ALDH1A2: variants seen among roughly 807,000 people sequenced by gnomAD.
ALDH1A2 encodes the protein aldehyde dehydrogenase 1 family member A2, also known as retinal dehydrogenase 2.
In ALDH1A2, 27 loss-of-function variants were observed where a neutral mutation model predicts 60.3. The ratio of observed to expected loss-of-function variants is 0.45; its 90% CI spans 0.33 to 0.62. ALDH1A2 has a LOEUF of 0.62. Ranked by LOEUF, ALDH1A2 falls within the 20% of genes least tolerant of loss-of-function variation. The pLI, the probability that ALDH1A2 is intolerant of heterozygous loss-of-function variation, is 0.02. For synonymous variants in ALDH1A2, 289 were observed against 232.4 expected, an observed-to-expected ratio of 1.24 and a Z score of -2.21; for missense variants, 581 against 643.8, an observed-to-expected ratio of 0.90 and a Z score of 1.06.
At chr15:57,980,287 C>G (rs1419959101) in intron 7 of ALDH1A2, 27 of 400,392 alleles carry the variant, frequency 6.7e-5, no homozygotes, top group African/African-American at 4.3e-4. Context: ...GAGACACCTG[C>G]ATGTGCCTCA....
At chr15:57,987,889 A>G (rs931696573) in intron 7 of ALDH1A2, among the ~76,000 whole-genome samples, 3 of 151,984 alleles carry the variant, frequency 2.0e-5, no homozygotes, top group Non-Finnish European at 4.4e-5. Context: ...CTCAAAAAAA[A>G]AAAAAAAAAA....
At chr15:57,982,120 T>G (rs1377932372) in intron 7 of ALDH1A2, among the ~76,000 whole-genome samples, 1 of 152,092 alleles carries the variant, frequency 6.6e-6, no homozygotes, top group Non-Finnish European at 1.5e-5. Context: ...AGTGCCCATC[T>G]CTCAACACTA....
intron 11 of ALDH1A2, 79 bp from the exon 12 acceptor site, chr15:57,960,923 A>G: frequency 6.9e-7 from 1 of 1,441,336 alleles, no homozygotes; most frequent in Admixed American, 1.9e-5. Flanking sequence ...TTTCTTTTAG[A>G]AGTTTTATTT....
chr15:57,970,658 C>G (rs560016931), intron 7 of ALDH1A2, among the ~76,000 whole-genome samples: 3 of 152,060 alleles, frequency 2.0e-5, no homozygotes, highest in Non-Finnish European at 4.4e-5. Context: ...TTATTAATTA[C>G]TCAGGTGAGT....
At chr15:58,013,361 A>G (rs1595666825) in intron 3 of ALDH1A2, among the ~76,000 whole-genome samples, 1 of 152,196 alleles carries the variant, frequency 6.6e-6, no homozygotes, top group African/African-American at 2.4e-5. Flanking sequence ...TTTAGAAAAG[A>G]AGGTACTTAC....
At chr15:58,046,825 T>A (rs1439633462) in intron 1 of ALDH1A2, among the ~76,000 whole-genome samples, 3 of 152,060 alleles carry the variant, frequency 2.0e-5, no homozygotes, top group Admixed American at 6.6e-5. Flanking sequence ...TCAAAGGATA[T>A]AGTAAATCAT....
chr15:57,957,265 C>G (rs1355431102), intron 12 of ALDH1A2, among the ~76,000 whole-genome samples: 1 of 152,094 alleles, frequency 6.6e-6, no homozygotes, highest in African/African-American at 2.4e-5. Context: ...TCCAGCAGTT[C>G]CTGAACCTCA....
chr15:57,977,771 C>T (rs944358111), intron 7 of ALDH1A2, among the ~76,000 whole-genome samples: 2 of 151,602 alleles, frequency 1.3e-5, no homozygotes, highest in African/African-American at 4.8e-5. Flanking sequence ...GTAGCTTGAT[C>T]GGGATAGCAT....
chr15:58,016,137 A>ATTTT lies in ALDH1A2; in HGVS notation c.118-1860_118-1857dup, dbSNP rs532101226. Reference sequence around the variant, plus strand: ...GTATCACCAAGGCCCACTGATCCTAATTTTTTTTTTTTTTTTTTTTTAAGA... The same window carrying ATTTT: ...GTATCACCAAGGCCCACTGATCCTAATTTTTTTTTTTTTTTTTTTTTTTTTAAGA... On this transcript the variant is annotated intron_variant, in intron 1 of 12. Transcript: ENST00000249750. Among the ~76,000 whole-genome samples, 7 of 134,406 alleles carry ATTTT rather than the reference A, an allele frequency of 5.2e-5. No homozygotes were observed. In the East Asian group the frequency reaches 8.5e-4, roughly 16 times the overall value. The allele number at this position is 134,406 out of a possible 152,430, so 88.2% of individuals were successfully genotyped here.
intron 1 of ALDH1A2, 91 bp from the exon 2 acceptor site, chr15:58,014,372 C>T: frequency 1.0e-6 from 1 of 953,876 alleles, no homozygotes; most frequent in Non-Finnish European, 1.7e-6. Flanking sequence ...ATGGTAATAA[C>T]ACTTGTTGTA....
intron 7 of ALDH1A2, among the ~76,000 whole-genome samples, chr15:57,988,582 G>T (rs1894790541): frequency 6.6e-6 from 1 of 152,156 alleles, no homozygotes; most frequent in African/African-American, 2.4e-5. Context: ...GAAGCCAAGG[G>T]TGTTACCTGC....
chr15:58,060,461 ATC>A lies in ALDH1A2; in HGVS notation c.117+5071_117+5072del, dbSNP rs1337210424. 1.8e-3 allele frequency among the ~76,000 whole-genome samples: 202 copies of A among 111,796 alleles called. 3 individuals carry two copies. Among genetic ancestry groups the A allele is most frequent in the Middle Eastern group, 0.01 (2 of 194 alleles). The allele number at this position is 111,796 out of a possible 152,430, so 73.3% of individuals were successfully genotyped here. On this transcript the variant is annotated intron_variant, in intron 1 of 12. Coordinates refer to ENST00000249750, the MANE Select transcript of ALDH1A2 (RefSeq NM_003888.4). ...AGAAACTCTTTAAGATGCCACACAT[ATC>A]TTTTTTTTTTTTTTTTTTTTTTTGT... is the stretch of plus-strand genomic sequence containing the variant.
intron 7 of ALDH1A2, among the ~76,000 whole-genome samples, chr15:57,988,449 G>A (rs1046234832): frequency 2.0e-5 from 3 of 152,270 alleles, no homozygotes; most frequent in East Asian, 1.9e-4. Context: ...TTTTAGACCC[G>A]ACCATATCAT....
At chr15:58,036,154 A>G (rs1896372173) in intron 1 of ALDH1A2, among the ~76,000 whole-genome samples, 1 of 151,742 alleles carries the variant, frequency 6.6e-6, no homozygotes, top group South Asian at 2.1e-4. Flanking sequence ...AGATGACATT[A>G]TTGTCTATGT....
intron 1 of ALDH1A2, among the ~76,000 whole-genome samples, chr15:58,054,496 T>C (rs1896848573): frequency 6.6e-6 from 1 of 152,070 alleles, no homozygotes; most frequent in Non-Finnish European, 1.5e-5. Flanking sequence ...CCACTGAGAT[T>C]ACAGGTAACA....
intron 1 of ALDH1A2, among the ~76,000 whole-genome samples, chr15:58,061,150 T>G (rs779041825): frequency 3.9e-5 from 6 of 152,066 alleles, no homozygotes; most frequent in Admixed American, 3.9e-4. Context: ...GCCCATGTAG[T>G]GGAAGGGATC....
chr15:57,960,179 A>T (rs1468489277), intron 12 of ALDH1A2, among the ~76,000 whole-genome samples: 3 of 152,090 alleles, frequency 2.0e-5, no homozygotes, highest in African/African-American at 7.2e-5. Context: ...TTTACCCCAA[A>T]ACATATTAAA....
At chr15:58,065,100 G>A (rs1467278739) in intron 1 of ALDH1A2, 1 of 278,454 alleles carries the variant, frequency 3.6e-6, no homozygotes, top group African/African-American at 2.3e-5. Flanking sequence ...GGACCTGATT[G>A]GGACCAACAG....
At chr15:58,060,338 C>T (rs1440335596) in intron 1 of ALDH1A2, among the ~76,000 whole-genome samples, 4 of 152,158 alleles carry the variant, frequency 2.6e-5, no homozygotes, top group African/African-American at 9.7e-5. Context: ...TCATTATATG[C>T]CACTTACTTT....
Sources: allele counts gnomAD v4.1 joint callset (sites outside exome capture counted in the v4.1 genomes callset), GRCh38; gene constraint gnomAD v4.1.1; transcripts MANE v1.5; gene names NCBI Gene and HGNC (gene_info 2026-07-23, HGNC 2026-07-21).